Variants in POLR1A observed in about 807,000 individuals in gnomAD.
The protein encoded by POLR1A is RNA polymerase I subunit A, also known as DNA-directed RNA polymerase I subunit RPA1.
A neutral mutation model predicts 205.3 loss-of-function variants in POLR1A; 84 were observed. The ratio of observed to expected loss-of-function variants is 0.41; its 90% CI spans 0.34 to 0.49. The LOEUF (loss-of-function observed/expected upper bound fraction) is 0.49. Among genes scored for constraint, POLR1A ranks in the 20% least tolerant of loss-of-function variants. POLR1A has a pLI of 0.22. For synonymous variants in POLR1A, 799 were observed against 863.7 expected (o/e 0.93, Z 1.31); for missense variants, 1,645 against 2,204.5 (o/e 0.75, Z 5.08).
At chr2:86,072,998 G>A (rs1673207222) in intron 12 of POLR1A, among the ~76,000 whole-genome samples, 1 of 151,888 alleles carries the variant, frequency 6.6e-6, no homozygotes, top group African/African-American at 2.4e-5. Flanking sequence ...AGATCTCTTG[G>A]GCCTAGGAGT....
chr2:86,053,403 A>G (rs1380792427), intron 15 of POLR1A, among the ~76,000 whole-genome samples: 1 of 152,152 alleles, frequency 6.6e-6, no homozygotes, highest in Non-Finnish European at 1.5e-5. Flanking sequence ...GTCTTCCTGA[A>G]GTGGCGAGCT....
chr2:86,064,480 G>A (rs1673052829), intron 14 of POLR1A, among the ~76,000 whole-genome samples: 1 of 152,144 alleles, frequency 6.6e-6, no homozygotes, highest in Admixed American at 6.5e-5. Context: ...ATGGTATGAT[G>A]CTTCTGGGGT....
chr2:86,032,915 C>A (rs955357918), intron 28 of POLR1A, among the ~76,000 whole-genome samples: 1 of 152,188 alleles, frequency 6.6e-6, no homozygotes, highest in African/African-American at 2.4e-5. Context: ...GGTGAACTCA[C>A]GGAGCAGGAG....
At position 86,020,741 on chromosome 2, in the gene POLR1A, A is replaced by G. The variant is rs558990351; in HGVS notation, c.*6682T>C. On this transcript the variant is annotated 3_prime_UTR_variant, in exon 34 of 34. Coordinates refer to ENST00000263857, the MANE Select transcript of POLR1A (RefSeq NM_015425.6). Reference sequence around the variant, plus strand: ...CTGTGGAGACTGTCCTGTGGACTGTAGTTTAGCAGCATCTCTAGCCTCCAC... The same window carrying G: ...CTGTGGAGACTGTCCTGTGGACTGTGGTTTAGCAGCATCTCTAGCCTCCAC... The G allele has an allele frequency of 2.5e-4, 38 of 152,242 alleles. 1 individual carries two copies. Among genetic ancestry groups the G allele is most frequent in the African/African-American group, 9.1e-4 (38 of 41,540 alleles). The allele number at this position is 152,242 out of a possible 1,614,324, so 9.4% of individuals were successfully genotyped here.
intron 3 of POLR1A, among the ~76,000 whole-genome samples, 192 bp from the exon 4 acceptor site, chr2:86,090,121 T>C (rs1673575297): frequency 1.3e-5 from 2 of 151,890 alleles, no homozygotes; most frequent in African/African-American, 4.8e-5. Flanking sequence ...AGGTCAGGCG[T>C]GGTGGCTCAC....
Position 86,028,773 on chromosome 2 carries a change from G to C in POLR1A, c.4780-62C>G, listed in dbSNP as rs546363038. The C allele has an allele frequency of 8.2e-7, 1 of 1,222,636 alleles. No homozygotes were observed. Among genetic ancestry groups the C allele is most frequent in the Non-Finnish European group, 1.2e-6 (1 of 830,834 alleles). The allele number at this position is 1,222,636 out of a possible 1,614,324, so 75.7% of individuals were successfully genotyped here. A position where few individuals can be genotyped will look rare whatever the true frequency, so the allele number is the denominator to read the frequency against. ...TGGCCTTCTGCTCCCTTCTGCCTGC[G>C]TATCTCCCCCTGGCCGCTCTCTCTC... On this transcript the variant is annotated intron_variant, in intron 31 of 33. Transcript: ENST00000263857. This position sits in a 1 kb window ranked among gnomAD's most constrained non-coding sequence, Gnocchi z 4.5.
rs761713657 is a variant in POLR1A, at chr2:86,043,221, C to CAA, written c.3136-28_3136-27dup. 8 of 1,562,022 alleles carry CAA rather than the reference C, an allele frequency of 5.1e-6. No individual in the cohort carries two copies. In the South Asian group the frequency reaches 8.9e-5, roughly 17 times the overall value. ...CTAAACAAACAAACAAAAAAACAAA[C>CAA]AAACAAATCACACACATGAGATCAA... On this transcript the variant is annotated intron_variant, in intron 22 of 33. Transcript: ENST00000263857.
intron 7 of POLR1A, 105 bp downstream of exon 7, chr2:86,082,977 G>A: frequency 2.4e-6 from 2 of 835,426 alleles, no homozygotes; most frequent in Non-Finnish European, 4.0e-6. Context: ...CCAGGAGGAA[G>A]CTACAATCAC....
intron 28 of POLR1A, among the ~76,000 whole-genome samples, chr2:86,032,661 T>A (rs1403227020): frequency 6.6e-6 from 1 of 151,906 alleles, no homozygotes; most frequent in Non-Finnish European, 1.5e-5. Context: ...AAAAAAAAAG[T>A]GCCAGGACTT....
Position 86,033,746 on chromosome 2 carries a change from T to C in POLR1A, c.4076A>G (p.Asn1359Ser), listed in dbSNP as rs1358869485. Residue 1359 changes from asparagine to serine, a missense_variant, in exon 28 of 34, where the codon AAT (asparagine) becomes AGT (serine). By Grantham distance (46) the Asn-to-Ser change is conservative (BLOSUM62 1). Coordinates refer to ENST00000263857, the MANE Select transcript of POLR1A (RefSeq NM_015425.6). The stretch of plus-strand genomic sequence containing the variant: ...TACGTTCCTGAAAGCTGATGCTTTA[T>C]TATTCTTCTTTTTGATGGATTCCAT... ...LLMESIKKKNNKASAFRNVNT... is the reference protein window; with the variant it reads ...LLMESIKKKNSKASAFRNVNT... The C allele has an allele frequency of 2.5e-6, 4 of 1,613,974 alleles. No individual in the cohort carries two copies. Among genetic ancestry groups the C allele is most frequent in the Non-Finnish European group, 2.5e-6 (3 of 1,180,002 alleles).
At position 86,089,843 on chromosome 2, in the gene POLR1A, G is replaced by A. The variant is rs763877555; in HGVS notation, c.519C>T (p.Leu173=). ...TCACATGTGCGCCCTGGGACCCCAG[G>A]AGGTTGTTCTGCACAATTTCAGTTG... The part of the protein sequence containing the change: ...QYTTEIVQNN[L]LGSQGAHVKN... The change falls in exon 4 of 34, where the codon CTC becomes CTT. Residue 173 remains leucine, a synonymous_variant. Transcript: ENST00000263857. 11 of 1,609,192 alleles carry A rather than the reference G, an allele frequency of 6.8e-6. No homozygotes were observed. The highest frequency in any genetic ancestry group is 1.7e-5 in the Admixed American group (1 of 60,000).
intron 29 of POLR1A, 108 bp downstream of exon 29, chr2:86,032,163 TG>T: frequency 1.3e-6 from 1 of 766,820 alleles, no homozygotes. Flanking sequence ...GGGTTCCTTG[TG>T]GGTTCATGAC....
At chr2:86,049,498 T>A (rs975031434) in intron 16 of POLR1A, among the ~76,000 whole-genome samples, 4 of 152,174 alleles carry the variant, frequency 2.6e-5, no homozygotes, top group Non-Finnish European at 5.9e-5. Context: ...CATGGTCGTA[T>A]GGGTAGAAAG....
In POLR1A at chr2:86,105,726, G is replaced by A. The variant is rs776784728; in HGVS notation, c.51C>T (p.Phe17=). The A allele has an allele frequency of 1.2e-6, 2 of 1,613,966 alleles. No individual in the cohort carries two copies. The highest frequency in any genetic ancestry group is 1.1e-5 in the South Asian group (1 of 91,080). The part of the protein sequence containing the change: ...MPWRRLQGIS[F]GMYSAEELKK... ...TGAGCTCTTCAGCCGAATACATCCC[G>A]AAGGAAATGCCCTGCAGCCGCCGCC... Residue 17 remains phenylalanine, a synonymous_variant, in exon 1 of 34, where the codon TTC becomes TTT. Transcript: ENST00000263857.
At chr2:86,068,015 T>C (rs370971606) in intron 13 of POLR1A, among the ~76,000 whole-genome samples, 1 of 152,174 alleles carries the variant, frequency 6.6e-6, no homozygotes, top group Non-Finnish European at 1.5e-5. Context: ...CTAAAACTCA[T>C]AGGCATATTA....
chr2:86,090,263 C>T (rs1028648456), intron 3 of POLR1A, among the ~76,000 whole-genome samples: 10 of 151,730 alleles, frequency 6.6e-5, no homozygotes, highest in African/African-American at 2.4e-4. Context: ...GGTGTGGTGG[C>T]ATCCACTTGT....
At position 86,042,213 on chromosome 2, in the gene POLR1A, T is replaced by C. The variant is rs144797077; in HGVS notation, c.3358-110A>G. On this transcript the variant is annotated intron_variant, in intron 23 of 33. Transcript: ENST00000263857. The stretch of plus-strand genomic sequence containing the variant: ...TAAAGGGAGACAGAAAGAAACCTGA[T>C]TGCAATGAGAAACCATCTCCCCATT... 6.9e-5 allele frequency: 54 copies of C among 780,124 alleles called. No homozygotes were observed. In the African/African-American group the frequency reaches 7.6e-4, roughly 11 times the overall value. 48.3% of individuals were successfully genotyped at this position (780,124 alleles called of 1,614,324 possible).
chr2:86,082,996 A>T, intron 7 of POLR1A, 86 bp downstream of exon 7: 1 of 1,016,560 alleles, frequency 9.8e-7, no homozygotes, highest in Non-Finnish European at 1.5e-6. Context: ...ACTACAACTT[A>T]AAAGAAGTAA....
chr2:86,060,337 C>T (rs1672972399), intron 14 of POLR1A, among the ~76,000 whole-genome samples: 2 of 151,930 alleles, frequency 1.3e-5, no homozygotes. Context: ...TATGGAAATA[C>T]AAACACCCCA....
Sources: allele counts gnomAD v4.1 joint callset (sites outside exome capture counted in the v4.1 genomes callset), GRCh38; gene constraint gnomAD v4.1.1; non-coding constraint Gnocchi (gnomAD v3.1); transcripts MANE v1.5; gene names NCBI Gene and HGNC (gene_info 2026-07-23, HGNC 2026-07-21).